RABGAP1L: variants seen among roughly 807,000 people sequenced by gnomAD.
RABGAP1L encodes the protein RAB GTPase activating protein 1 like.
A neutral mutation model predicts 137.7 loss-of-function variants in RABGAP1L; 63 were observed. The ratio of observed to expected loss-of-function variants is 0.46; its 90% CI spans 0.37 to 0.56. The LOEUF is 0.56. Ranked by LOEUF, RABGAP1L falls within the 20% of genes least tolerant of loss-of-function variation. RABGAP1L has a pLI of 0.00. For synonymous variants in RABGAP1L, 431 were observed against 433.7 expected, an observed-to-expected ratio of 0.99 and a Z score of 0.08; for missense variants, 1,095 against 1,244.0, an observed-to-expected ratio of 0.88 and a Z score of 1.80.
At chr1:174,193,405 G>T (rs1307750201) in intron 1 of RABGAP1L, among the ~76,000 whole-genome samples, 1 of 152,138 alleles carries the variant, frequency 6.6e-6, no homozygotes, top group East Asian at 1.9e-4. Flanking sequence ...GGTGGTGCAT[G>T]CCTGTAATCC....
intron 14 of RABGAP1L, among the ~76,000 whole-genome samples, chr1:174,665,816 G>T (rs1461960816): frequency 1.3e-5 from 2 of 152,156 alleles, no homozygotes; most frequent in African/African-American, 2.4e-5. Flanking sequence ...TACTCCCAGA[G>T]GGGTGTTACA....
intron 13 of RABGAP1L, among the ~76,000 whole-genome samples, chr1:174,445,293 A>G (rs1654616780): frequency 6.6e-6 from 1 of 152,172 alleles, no homozygotes. Flanking sequence ...AAATGTTTTA[A>G]TGTCCATCAA....
At chr1:174,209,046 A>G (rs912269675) in intron 1 of RABGAP1L, among the ~76,000 whole-genome samples, 11 of 152,200 alleles carry the variant, frequency 7.2e-5, no homozygotes, top group African/African-American at 2.7e-4. Context: ...ATTATCAGGC[A>G]TTAGTTAGAT....
At chr1:174,236,119 CT>C (rs1671141091) in intron 4 of RABGAP1L, among the ~76,000 whole-genome samples, 1 of 94,548 alleles carries the variant, frequency 1.1e-5, no homozygotes, top group African/African-American at 5.1e-5. Flanking sequence ...GTGATATCCC[CT>C]TTATCATTTT....
chr1:174,396,804 A>G (rs1271001164), intron 13 of RABGAP1L, among the ~76,000 whole-genome samples: 1 of 152,096 alleles, frequency 6.6e-6, no homozygotes, highest in Non-Finnish European at 1.5e-5. Flanking sequence ...ACCAAACACC[A>G]TGGTAGTTTT....
In RABGAP1L at chr1:174,952,364, A is replaced by G. The variant is rs951703850; in HGVS notation, c.2341-5093A>G. On this transcript the variant is annotated intron_variant, in intron 19 of 25. Transcript: ENST00000681986. ...CAAAAAAAAAAAAAAAAAAAAAAAA[A>G]GCTAGGCATGGTGGTGTGCCCCTAT... Among the ~76,000 whole-genome samples the G allele has an allele frequency of 3.3e-4, 48 of 146,444 alleles. 1 individual carries two copies. The South Asian group carries it at 0.011, about 33-fold the overall frequency.
In RABGAP1L at chr1:174,958,444, C is replaced by T. The variant is rs957094405; in HGVS notation, c.2433+895C>T. Reference sequence around the variant, plus strand: ...TTAACTTTTCAGACTCACACAGATACGTAACAGCTCCTTCTCCCTCCATAT... The same window carrying T: ...TTAACTTTTCAGACTCACACAGATATGTAACAGCTCCTTCTCCCTCCATAT... On this transcript the variant is annotated intron_variant, in intron 20 of 25. Coordinates refer to ENST00000681986, the MANE Select transcript of RABGAP1L (RefSeq NM_001366446.1). 3.9e-5 allele frequency among the ~76,000 whole-genome samples: 6 copies of T among 152,156 alleles called. No individual in the cohort carries two copies. In the South Asian group the frequency reaches 6.2e-4, roughly 16 times the overall value.
At position 174,259,097 on chromosome 1, in the gene RABGAP1L, GT is replaced by G. The variant is rs577033996; in HGVS notation, c.986+6518del. Among the ~76,000 whole-genome samples, 27 of 146,760 alleles carry G rather than the reference GT, an allele frequency of 1.8e-4. No individual in the cohort carries two copies. In the East Asian group the frequency reaches 2.8e-3, roughly 15 times the overall value. ...AGCCACCATGCCTGGCCAATATTCTGTTTTTTTTTTTGAAAAATATATTATG... is the reference window on the plus strand; with the variant it reads ...AGCCACCATGCCTGGCCAATATTCTGTTTTTTTTTTGAAAAATATATTATG... On this transcript the variant is annotated intron_variant, in intron 7 of 25. Transcript: ENST00000681986.
chr1:174,349,500 A>C (rs1438409239), intron 11 of RABGAP1L, among the ~76,000 whole-genome samples: 1 of 109,448 alleles, frequency 9.1e-6, no homozygotes, highest in Non-Finnish European at 1.9e-5. Flanking sequence ...CTGGCCGGGC[A>C]GAGGGGCTCC....
intron 17 of RABGAP1L, among the ~76,000 whole-genome samples, chr1:174,721,112 A>G (rs989900460): frequency 6.6e-6 from 1 of 152,188 alleles, no homozygotes; most frequent in African/African-American, 2.4e-5. Context: ...ATACTTGTAC[A>G]TTGAAATGTG....
At chr1:174,957,762 G>C (rs551448836) in intron 20 of RABGAP1L, 2 of 660,698 alleles carry the variant, frequency 3.0e-6, no homozygotes, top group Non-Finnish European at 5.3e-6. Context: ...AGCAGCAGTT[G>C]TGGCAAGTTC....
intron 19 of RABGAP1L, among the ~76,000 whole-genome samples, chr1:174,937,636 C>A (rs1257026534): frequency 1.5e-3 from 128 of 84,150 alleles, no homozygotes; most frequent in African/African-American, 4.7e-3. Context: ...ATATATATAT[C>A]TTGCAGTTAG....
At chr1:174,404,725 GTAA>G (rs1649057552) in intron 13 of RABGAP1L, among the ~76,000 whole-genome samples, 4 of 152,040 alleles carry the variant, frequency 2.6e-5, no homozygotes, top group Admixed American at 2.6e-4. Context: ...ATTGACTAAA[GTAA>G]AACAATATAA....
At chr1:174,458,168 T>C (rs1403768238) in intron 13 of RABGAP1L, among the ~76,000 whole-genome samples, 1 of 152,142 alleles carries the variant, frequency 6.6e-6, no homozygotes. Flanking sequence ...CCGCTGACTA[T>C]TGTAGATACA....
chr1:174,780,095 T>C (rs1558070368), intron 18 of RABGAP1L, among the ~76,000 whole-genome samples: 2 of 150,400 alleles, frequency 1.3e-5, no homozygotes, highest in African/African-American at 2.4e-5. Context: ...AATAAATAAA[T>C]AAATAAATAA....
intron 4 of RABGAP1L, among the ~76,000 whole-genome samples, chr1:174,240,270 A>G (rs558040589): frequency 1.6e-4 from 24 of 152,232 alleles, no homozygotes; most frequent in Admixed American, 1.4e-3. Flanking sequence ...TTTTTGAGAC[A>G]CAGTTTCACT....
intron 14 of RABGAP1L, among the ~76,000 whole-genome samples, chr1:174,677,445 A>G (rs764814939): frequency 6.6e-5 from 10 of 152,246 alleles, no homozygotes; most frequent in Non-Finnish European, 1.2e-4. Flanking sequence ...GGCATTTGTG[A>G]ATTATCTAGT....
intron 1 of RABGAP1L, among the ~76,000 whole-genome samples, chr1:174,186,862 A>G (rs563322885): frequency 2.2e-4 from 34 of 152,298 alleles, no homozygotes; most frequent in East Asian, 5.8e-4. Flanking sequence ...CTGGCATTCT[A>G]TATCTTGGTC....
chr1:174,720,384 A>G (rs910160443), intron 17 of RABGAP1L, among the ~76,000 whole-genome samples: 2 of 151,534 alleles, frequency 1.3e-5, no homozygotes, highest in Non-Finnish European at 2.9e-5. Flanking sequence ...GCTCACTGCA[A>G]CCTCTGCCTA....
Sources: gnomAD v4.1 joint callset for allele counts (sites outside exome capture counted in the v4.1 genomes callset) on GRCh38, gnomAD v4.1.1 for gene constraint, MANE v1.5 for transcripts, NCBI Gene and HGNC (gene_info 2026-07-23, HGNC 2026-07-21) for gene names.